Variants in PCDHGA2 observed in about 807,000 individuals in gnomAD.
PCDHGA2 encodes the protein protocadherin gamma-A2.
PCDHGA2 carries 40 observed loss-of-function variants against 59.2 expected under a neutral mutation model. The ratio of observed to expected loss-of-function variants is 0.68; its 90% CI spans 0.52 to 0.88. PCDHGA2 has a LOEUF of 0.88. Ranked by LOEUF, PCDHGA2 falls within the 40% of genes least tolerant of loss-of-function variation. The pLI is 0.00. For synonymous variants in PCDHGA2, 560 were observed against 526.0 expected (o/e 1.06, Z -0.89); for missense variants, 1,226 against 1,204.0 (o/e 1.02, Z -0.27).
At chr5:141,346,204 T>A (rs1168240525) in intron 1 of PCDHGA2, 1 of 1,614,016 alleles carries the variant, frequency 6.2e-7, no homozygotes, top group Admixed American at 1.7e-5. Context: ...AAGTCACGCC[T>A]GCTGCAGGCT....
At chr5:141,374,686 C>T (rs765389244) in intron 1 of PCDHGA2, 5 of 1,609,642 alleles carry the variant, frequency 3.1e-6, no homozygotes, top group Non-Finnish European at 4.2e-6. Flanking sequence ...GCACACTGGA[C>T]CGGGAAGGAG....
chr5:141,378,155 T>C (rs1471483193), intron 1 of PCDHGA2: 1 of 152,258 alleles, frequency 6.6e-6, no homozygotes, highest in Non-Finnish European at 1.5e-5. Flanking sequence ...AATTATTGGG[T>C]TGTTAACAAT....
rs1018384314 is a variant in PCDHGA2 at position 141,490,427 on chromosome 5, A to G, written c.2425-4380A>G. On this transcript the variant is annotated intron_variant, in intron 1 of 3. Coordinates refer to ENST00000394576, the MANE Select transcript of PCDHGA2 (RefSeq NM_018915.4). This position sits in a 1 kb window ranked among gnomAD's most constrained non-coding sequence, Gnocchi z 5.4. ...GATATCTCTCCGGACCTGCCATTTCAGATTAAGCCTTCTGAGAACCACTAC... is the reference window on the plus strand; with the variant it reads ...GATATCTCTCCGGACCTGCCATTTCGGATTAAGCCTTCTGAGAACCACTAC... 6.2e-7 allele frequency: 1 copy of G among 1,614,092 alleles called. No individual in the cohort carries two copies.
At chr5:141,365,820 A>G in intron 1 of PCDHGA2, 1 of 1,613,898 alleles carries the variant, frequency 6.2e-7, no homozygotes, top group East Asian at 2.2e-5. Context: ...GACACATTTC[A>G]GGGGGCGCCC....
At chr5:141,364,551 T>A in intron 1 of PCDHGA2, 1 of 1,614,076 alleles carries the variant, frequency 6.2e-7, no homozygotes, top group South Asian at 1.1e-5. Context: ...AGGACGCAGC[T>A]TTTTGCCCTG....
chr5:141,427,705 C>T (rs2097059995), intron 1 of PCDHGA2: 1 of 983,052 alleles, frequency 1.0e-6, no homozygotes, highest in African/African-American at 1.6e-5. Flanking sequence ...CAAGTCAGCG[C>T]CTCTGACCTG....
At chr5:141,351,676 C>T in intron 1 of PCDHGA2, 1 of 1,614,012 alleles carries the variant, frequency 6.2e-7, no homozygotes, top group Non-Finnish European at 8.5e-7. Context: ...AAGTAAGCGC[C>T]TCCGACCCGG....
chr5:141,342,751 C>A (rs1221029640), intron 1 of PCDHGA2: 1 of 152,174 alleles, frequency 6.6e-6, no homozygotes, highest in Non-Finnish European at 1.5e-5. Flanking sequence ...ATATGTAATG[C>A]ATCATGATTG....
At chr5:141,346,051 C>A (rs2149739427) in intron 1 of PCDHGA2, 4 of 1,613,598 alleles carry the variant, frequency 2.5e-6, no homozygotes, top group South Asian at 2.2e-5. Context: ...GACATCCTGG[C>A]CGACCTGGGC....
intron 1 of PCDHGA2, chr5:141,399,774 C>A (rs758550367): frequency 1.2e-6 from 2 of 1,613,116 alleles, no homozygotes; most frequent in South Asian, 2.2e-5. Flanking sequence ...TGTTGGTGGG[C>A]GACCGAAACG....
At position 141,431,851 on chromosome 5, in the gene PCDHGA2, A is replaced by G. The variant is rs2097423722; in HGVS notation, c.2425-62956A>G. 1 of 1,614,264 alleles carries G rather than the reference A, an allele frequency of 6.2e-7. No individual in the cohort carries two copies. The highest frequency in any genetic ancestry group is 1.1e-5 in the South Asian group (1 of 91,088). ...TTCCCGAAAACTCTCCCAGAGGGAC[A>G]TTAATTGCCCTTTTAAATGTAAATG... On this transcript the variant is annotated intron_variant, in intron 1 of 3. Coordinates refer to ENST00000394576, the MANE Select transcript of PCDHGA2 (RefSeq NM_018915.4). This position sits in a 1 kb window ranked among gnomAD's most constrained non-coding sequence, Gnocchi z 4.8.
chr5:141,397,177 A>G (rs1453004001), intron 1 of PCDHGA2, among the ~76,000 whole-genome samples: 1 of 152,250 alleles, frequency 6.6e-6, no homozygotes, highest in Non-Finnish European at 1.5e-5. Flanking sequence ...CTTAAGAATG[A>G]ATTTATGTAC....
At chr5:141,351,552 G>A in intron 1 of PCDHGA2, 2 of 1,614,026 alleles carry the variant, frequency 1.2e-6, no homozygotes, top group Non-Finnish European at 1.7e-6. Flanking sequence ...CTTTCCTCCA[G>A]GACAAGCATC....
intron 1 of PCDHGA2, 135 bp downstream of exon 1, chr5:141,341,530 T>C: frequency 6.7e-7 from 1 of 1,491,968 alleles, no homozygotes. Context: ...CTTGGTGAAT[T>C]ATTTCTTGGT....
At chr5:141,427,707 T>C in intron 1 of PCDHGA2, 1 of 1,011,828 alleles carries the variant, frequency 9.9e-7, no homozygotes, top group Non-Finnish European at 1.5e-6. Context: ...AGTCAGCGCC[T>C]CTGACCTGGA....
In PCDHGA2 at chr5:141,477,532, C is replaced by T. The variant is rs754570150; in HGVS notation, c.2425-17275C>T. On this transcript the variant is annotated intron_variant, in intron 1 of 3. Transcript: ENST00000394576. This position sits in a 1 kb window ranked among gnomAD's most constrained non-coding sequence, Gnocchi z 4.9. ...TTTACATTGAAGAAAACAACCTCCC[C>T]GGGGCTCCAATACTAAACCTAAGTG... 2.5e-6 allele frequency: 4 copies of T among 1,614,028 alleles called. No individual in the cohort carries two copies. Among genetic ancestry groups the T allele is most frequent in the Admixed American group, 1.7e-5 (1 of 60,000 alleles).
chr5:141,395,542 TTGTGTGTGTGTGTGTGTGTGTGTGTG>T lies in PCDHGA2; in HGVS notation c.2424+54171_2424+54196del, dbSNP rs55729045. 7.0e-5 allele frequency: 12 copies of T among 172,630 alleles called. No homozygotes were observed. In the South Asian group the frequency reaches 8.7e-4, roughly 12 times the overall value. 10.7% of individuals were successfully genotyped at this position (172,630 alleles called of 1,614,324 possible). ...TCCATACTGGTAATTTTGCTATTGTTTGTGTGTGTGTGTGTGTGTGTGTGTGTGTGTGTGTGTGTGTGTGTGTGTAT... is the reference window on the plus strand; with the variant it reads ...TCCATACTGGTAATTTTGCTATTGTTTGTGTGTGTGTGTGTGTGTGTGTAT... On this transcript the variant is annotated intron_variant, in intron 1 of 3. Coordinates refer to ENST00000394576, the MANE Select transcript of PCDHGA2 (RefSeq NM_018915.4).
rs2099383865 is a variant in PCDHGA2, at chr5:141,476,005, A to G, written c.2425-18802A>G. 1 of 1,267,576 alleles carries G rather than the reference A, an allele frequency of 7.9e-7. No homozygotes were observed. Among genetic ancestry groups the G allele is most frequent in the East Asian group, 2.3e-5 (1 of 42,864 alleles). 78.5% of individuals were successfully genotyped at this position (1,267,576 alleles called of 1,614,324 possible). A position where few individuals can be genotyped will look rare whatever the true frequency, so the allele number is the denominator to read the frequency against. ...CGGCGAGCAAATCAACGGCATCCAG[A>G]AAGCCATGTCGGACTCGGCGCCCAG... On this transcript the variant is annotated intron_variant, in intron 1 of 3. Coordinates refer to ENST00000394576, the MANE Select transcript of PCDHGA2 (RefSeq NM_018915.4). This position sits in a 1 kb window ranked among gnomAD's most constrained non-coding sequence, Gnocchi z 7.6.
chr5:141,405,187 GGTTCGAGCTT>G (rs2094622612), intron 1 of PCDHGA2: 1 of 1,613,360 alleles, frequency 6.2e-7, no homozygotes, highest in African/African-American at 1.3e-5. Context: ...GTGTAGATGG[GGTTCGAGCTT>G]TCCTACAGAC....
Sources: gnomAD v4.1 joint callset for allele counts (sites outside exome capture counted in the v4.1 genomes callset) on GRCh38, gnomAD v4.1.1 for gene constraint, Gnocchi (gnomAD v3.1) non-coding constraint, MANE v1.5 for transcripts, NCBI Gene and HGNC (gene_info 2026-07-23, HGNC 2026-07-21) for gene names.